Variants in UMAD1 observed in about 807,000 individuals in gnomAD.
The protein encoded by UMAD1 is UBAP1-MVB12-associated (UMA) domain containing 1, also known as UBAP1-MVB12-associated (UMA)-domain containing protein 1.
Under a neutral mutation model 6.1 loss-of-function variants are expected in UMAD1, and 8 were observed. That is an observed-to-expected ratio of 1.30 (90% CI 0.76 to 2.35). The LOEUF (loss-of-function observed/expected upper bound fraction) is 2.35. Ranked by LOEUF, UMAD1 falls within the 30% of genes most tolerant of loss-of-function variation. The probability of loss-of-function intolerance (pLI) is 0.00; values close to 1 mark genes in which losing one functional copy is unlikely to be tolerated. For synonymous variants in UMAD1, 56 were observed against 31.4 expected (o/e 1.78, Z -2.61); for missense variants, 130 against 78.4 (o/e 1.66, Z -2.49).
chr7:7,780,848 A>G (rs1268865045), intron 2 of UMAD1, among the ~76,000 whole-genome samples: 1 of 152,214 alleles, frequency 6.6e-6, no homozygotes, highest in Non-Finnish European at 1.5e-5. Context: ...TTTATGCATT[A>G]ATATGTTTTA....
intron 3 of UMAD1, among the ~76,000 whole-genome samples, chr7:7,809,528 T>C (rs1459777270): frequency 6.6e-6 from 1 of 152,080 alleles, no homozygotes; most frequent in Non-Finnish European, 1.5e-5. Context: ...TCTATCCCCT[T>C]ACGTGCTTAT....
rs1785047473 is a variant in UMAD1 at position 7,644,353 on chromosome 7, CCTT to C, written c.-64+3533_-64+3535del. Among the ~76,000 whole-genome samples the C allele has an allele frequency of 4.1e-5, 5 of 122,300 alleles. No individual in the cohort carries two copies. The South Asian group carries it at 1.2e-3, about 29-fold the overall frequency. The allele number at this position is 122,300 out of a possible 152,430, so 80.2% of individuals were successfully genotyped here. A position where few individuals can be genotyped will look rare whatever the true frequency, so the allele number is the denominator to read the frequency against. On this transcript the variant is annotated intron_variant, in intron 1 of 3. Coordinates refer to ENST00000682710, the MANE Select transcript of UMAD1 (RefSeq NM_001302348.2). ...TTTCCGTTTCCTTCCTTCATTCCAT[CCTT>C]TTTTTTTTTTTATTAGGAAGACCTC...
chr7:7,665,602 A>G (rs4725013), intron 1 of UMAD1, among the ~76,000 whole-genome samples: 127,727 of 151,892 alleles, frequency 0.84, 53,834 homozygotes, highest in Non-Finnish European at 0.88. Flanking sequence ...TACTGCTGAA[A>G]CAGTCACTGC....
intron 2 of UMAD1, among the ~76,000 whole-genome samples, chr7:7,722,781 C>G (rs983713126): frequency 1.3e-5 from 2 of 152,122 alleles, no homozygotes; most frequent in African/African-American, 4.8e-5. Context: ...ACAGCCTCAC[C>G]AGGTGTCTAC....
At chr7:7,784,888 G>C (rs931245225) in intron 2 of UMAD1, among the ~76,000 whole-genome samples, 1 of 147,978 alleles carries the variant, frequency 6.8e-6, no homozygotes, top group Non-Finnish European at 1.5e-5. Context: ...TCAGCCTCCC[G>C]AGTAGCTGGG....
chr7:7,663,199 G>C (rs1427927857), intron 1 of UMAD1, among the ~76,000 whole-genome samples: 1 of 129,986 alleles, frequency 7.7e-6, no homozygotes, highest in Non-Finnish European at 1.6e-5. Flanking sequence ...AAAAAGTCTG[G>C]TCTTGACCTG....
chr7:7,820,852 C>G (rs1023173999), intron 3 of UMAD1, among the ~76,000 whole-genome samples: 3 of 151,980 alleles, frequency 2.0e-5, no homozygotes, highest in Non-Finnish European at 2.9e-5. Flanking sequence ...AAATATTTAG[C>G]AAATAGTAAA....
chr7:7,650,149 T>C (rs191126699), intron 1 of UMAD1, among the ~76,000 whole-genome samples: 15 of 152,386 alleles, frequency 9.8e-5, no homozygotes, highest in Non-Finnish European at 1.6e-4. Flanking sequence ...TCCCAATTTT[T>C]ATGCTGTTGT....
At chr7:7,802,112 G>A (rs1456553628) in intron 3 of UMAD1, among the ~76,000 whole-genome samples, 1 of 152,264 alleles carries the variant, frequency 6.6e-6, no homozygotes, top group Admixed American at 6.5e-5. Context: ...GGGCACAGTG[G>A]CTCACGCCTG....
At chr7:7,813,755 T>C (rs1458539111) in intron 3 of UMAD1, among the ~76,000 whole-genome samples, 1 of 152,236 alleles carries the variant, frequency 6.6e-6, no homozygotes, top group Non-Finnish European at 1.5e-5. Context: ...CATTTATGAC[T>C]AGCTCAAACC....
chr7:7,710,635 TAGAC>T (rs778895464), intron 2 of UMAD1, among the ~76,000 whole-genome samples: 2 of 152,124 alleles, frequency 1.3e-5, no homozygotes, highest in African/African-American at 2.4e-5. Context: ...CTCTGGAAAA[TAGAC>T]AGTTTCTGAA....
intron 2 of UMAD1, among the ~76,000 whole-genome samples, chr7:7,763,182 T>C (rs543556122): frequency 6.6e-6 from 1 of 152,350 alleles, no homozygotes; most frequent in East Asian, 1.9e-4. Flanking sequence ...ATATGGATAA[T>C]TGATATTTAA....
At position 7,672,511 on chromosome 7, in the gene UMAD1, A is replaced by T. The variant is rs528259047; in HGVS notation, c.-63-798A>T. ...GGTTCTTTGTCCCCACCCAAATCTC[A>T]CTTTGAATTGTATTAATGCCCATGT... On this transcript the variant is annotated intron_variant, in intron 1 of 3. Transcript: ENST00000682710. Among the ~76,000 whole-genome samples, 10 of 152,236 alleles carry T rather than the reference A, an allele frequency of 6.6e-5. No homozygotes were observed. The South Asian group carries it at 1.0e-3, about 16-fold the overall frequency.
intron 1 of UMAD1, among the ~76,000 whole-genome samples, chr7:7,651,557 T>C (rs1785224589): frequency 6.6e-6 from 1 of 152,214 alleles, no homozygotes; most frequent in Admixed American, 6.5e-5. Flanking sequence ...TATTTTTCCA[T>C]CCTCATGTTG....
intron 2 of UMAD1, among the ~76,000 whole-genome samples, chr7:7,674,839 C>T (rs1193557878): frequency 1.3e-5 from 2 of 152,102 alleles, no homozygotes; most frequent in East Asian, 1.9e-4. Flanking sequence ...CATCAGGCCT[C>T]CTGTGAAGTT....
At chr7:7,780,230 C>G (rs1782316333) in intron 2 of UMAD1, among the ~76,000 whole-genome samples, 1 of 152,214 alleles carries the variant, frequency 6.6e-6, no homozygotes, top group Non-Finnish European at 1.5e-5. Context: ...CTTCTTCAAA[C>G]TAAGCTCTCC....
chr7:7,696,312 A>C (rs182889586), intron 2 of UMAD1, among the ~76,000 whole-genome samples: 200 of 151,622 alleles, frequency 1.3e-3, no homozygotes, highest in African/African-American at 4.4e-3. Flanking sequence ...AAAAAAAAAA[A>C]CACCCCAAAA....
At chr7:7,855,496 G>A (rs559114278) in intron 3 of UMAD1, among the ~76,000 whole-genome samples, 14 of 152,324 alleles carry the variant, frequency 9.2e-5, no homozygotes, top group Admixed American at 5.2e-4. Flanking sequence ...CTGAAGGAAC[G>A]GCCTGAGTTG....
intron 2 of UMAD1, among the ~76,000 whole-genome samples, chr7:7,757,991 G>A (rs930764633): frequency 2.0e-5 from 3 of 152,094 alleles, no homozygotes; most frequent in South Asian, 2.1e-4. Flanking sequence ...CAAAAGTAGA[G>A]GGAGGAATCT....
Sources: allele counts gnomAD v4.1 joint callset (sites outside exome capture counted in the v4.1 genomes callset), GRCh38; gene constraint gnomAD v4.1.1; transcripts MANE v1.5; gene names NCBI Gene and HGNC (gene_info 2026-07-23, HGNC 2026-07-21).